Variants in SLC36A1 observed in about 807,000 individuals in gnomAD.
SLC36A1 encodes proton-coupled amino acid transporter 1.
SLC36A1 carries 30 observed loss-of-function variants against 47.5 expected under a neutral mutation model. The ratio of observed to expected loss-of-function variants is 0.63; its 90% confidence interval spans 0.47 to 0.86. The LOEUF is 0.86. Ranked by LOEUF, SLC36A1 falls within the 40% of genes least tolerant of loss-of-function variation. The pLI, the probability that SLC36A1 is intolerant of heterozygous loss-of-function variation, is 0.00. For synonymous variants in SLC36A1, 255 were observed against 249.7 expected (o/e 1.02, Z -0.20); for missense variants, 517 against 606.0 (o/e 0.85, Z 1.54).
the SLC36A1 span, among the ~76,000 whole-genome samples, chr5:151,351,957 C>T: frequency 6.6e-6 from 1 of 152,208 alleles, no homozygotes; most frequent in Non-Finnish European, 1.5e-5. Context: ...CTGCATGATC[C>T]AGCTGCTGCC....
At chr5:151,400,162 C>T in the SLC36A1 span, among the ~76,000 whole-genome samples, 1 of 151,868 alleles carries the variant, frequency 6.6e-6, no homozygotes, top group Non-Finnish European at 1.5e-5. Flanking sequence ...GCTCCCCTTC[C>T]TCCCCCGTCT....
the SLC36A1 span, among the ~76,000 whole-genome samples, chr5:151,431,604 G>A: frequency 1.3e-5 from 2 of 152,146 alleles, no homozygotes; most frequent in African/African-American, 4.8e-5. Flanking sequence ...GGTCTTTCCT[G>A]TGCTATTCAC....
the SLC36A1 span, among the ~76,000 whole-genome samples, chr5:151,539,104 G>A: frequency 6.6e-6 from 1 of 152,124 alleles, no homozygotes; most frequent in East Asian, 1.9e-4. Context: ...GAAGTTGGTT[G>A]TAATGATGGC....
the SLC36A1 span, among the ~76,000 whole-genome samples, chr5:151,353,873 A>T: frequency 6.6e-6 from 1 of 152,212 alleles, no homozygotes; most frequent in East Asian, 1.9e-4. Context: ...AGTTTTCTCC[A>T]TGTTTTTTTA....
At chr5:151,466,059 T>C (rs1756323582) in intron 5 of SLC36A1, among the ~76,000 whole-genome samples, 1 of 152,170 alleles carries the variant, frequency 6.6e-6, no homozygotes, top group South Asian at 2.1e-4. Flanking sequence ...ATGCAGATTA[T>C]ATAGTTCTTT....
At position 151,488,256 on chromosome 5, in the gene SLC36A1, G is replaced by C. The variant is rs1312259933; in HGVS notation, c.*2G>C. The C allele has an allele frequency of 3.7e-6, 6 of 1,613,426 alleles. No individual in the cohort carries two copies. Among genetic ancestry groups the C allele is most frequent in the Non-Finnish European group, 5.1e-6 (6 of 1,179,632 alleles). ...AATTCCACCTGTGCCTTCATATAGGGATCTGGGTTCGTCTCTGCAGCTGCC... is the reference window on the plus strand; with the variant it reads ...AATTCCACCTGTGCCTTCATATAGGCATCTGGGTTCGTCTCTGCAGCTGCC... On this transcript the variant is annotated 3_prime_UTR_variant, in exon 11 of 11. Coordinates refer to ENST00000243389, the MANE Select transcript of SLC36A1 (RefSeq NM_078483.4).
At chr5:151,398,474 C>A in the SLC36A1 span, among the ~76,000 whole-genome samples, 9 of 152,142 alleles carry the variant, frequency 5.9e-5, no homozygotes, top group African/African-American at 2.2e-4. Flanking sequence ...ATAGCAGCTC[C>A]TGAACAAAGG....
chr5:151,532,082 A>G, the SLC36A1 span: 3 of 1,408,458 alleles, frequency 2.1e-6, no homozygotes, highest in African/African-American at 2.9e-5. Context: ...ATGAAGGCGG[A>G]CAAGCTGGCT....
chr5:151,526,591 G>T, the SLC36A1 span, among the ~76,000 whole-genome samples: 1 of 152,324 alleles, frequency 6.6e-6, no homozygotes, highest in South Asian at 2.1e-4. Flanking sequence ...GACATTCTCT[G>T]TTCCTTTCTT....
At chr5:151,451,658 C>T (rs1753681208) in intron 1 of SLC36A1, among the ~76,000 whole-genome samples, 2 of 152,152 alleles carry the variant, frequency 1.3e-5, no homozygotes, top group Admixed American at 1.3e-4. Flanking sequence ...ATTTTTTCCT[C>T]CTATCTTCAT....
At chr5:151,529,189 C>T in the SLC36A1 span, 368 of 1,614,010 alleles carry the variant, frequency 2.3e-4, 1 homozygote, top group African/African-American at 4.2e-3. Flanking sequence ...GTGAGGATGA[C>T]GTCACCCACA....
the SLC36A1 span, among the ~76,000 whole-genome samples, chr5:151,535,837 T>A: frequency 6.6e-6 from 1 of 151,960 alleles, no homozygotes; most frequent in Non-Finnish European, 1.5e-5. Context: ...ACCTGAGGGG[T>A]CTCCGCTGCT....
chr5:151,470,105 T>A (rs1280707845), intron 7 of SLC36A1, among the ~76,000 whole-genome samples: 1 of 152,230 alleles, frequency 6.6e-6, no homozygotes, highest in Admixed American at 6.5e-5. Context: ...GTCCCCTTTT[T>A]ATGAGACTGG....
the SLC36A1 span, chr5:151,534,283 G>A: frequency 1.6e-6 from 1 of 629,662 alleles, no homozygotes; most frequent in African/African-American, 1.8e-5. Flanking sequence ...TTACTTTTAA[G>A]TGTCCCCAGA....
chr5:151,507,225 G>A, the SLC36A1 span: 2 of 1,613,472 alleles, frequency 1.2e-6, no homozygotes, highest in Non-Finnish European at 1.7e-6. Context: ...CGCAGCTGGC[G>A]GGAGTCTGGG....
chr5:151,438,481 A>C (rs10040880), intron 1 of SLC36A1, among the ~76,000 whole-genome samples: 37,911 of 151,938 alleles, frequency 0.25, 5,252 homozygotes, highest in African/African-American at 0.37. Context: ...TTCATGGTAC[A>C]CCATTGGCCA....
chr5:151,366,085 G>T, the SLC36A1 span, among the ~76,000 whole-genome samples: 2 of 152,200 alleles, frequency 1.3e-5, no homozygotes, highest in Non-Finnish European at 2.9e-5. Flanking sequence ...AAAAATGTAT[G>T]TGTGCACATA....
chr5:151,537,277 T>TGGA, the SLC36A1 span, among the ~76,000 whole-genome samples: 51 of 132,868 alleles, frequency 3.8e-4, no homozygotes, highest in Admixed American at 2.3e-3. Flanking sequence ...ATGGTGGTGG[T>TGGA]GGAGGAGGAG....
At chr5:151,500,857 T>TA in the SLC36A1 span, among the ~76,000 whole-genome samples, 1 of 152,218 alleles carries the variant, frequency 6.6e-6, no homozygotes, top group Non-Finnish European at 1.5e-5. Flanking sequence ...TGAAAACCTT[T>TA]AGGCCTCCCC....
Sources: allele counts gnomAD v4.1 joint callset (sites outside exome capture counted in the v4.1 genomes callset), GRCh38; gene constraint gnomAD v4.1.1; transcripts MANE v1.5; gene names NCBI Gene and HGNC (gene_info 2026-07-23, HGNC 2026-07-21).